FGF14: variants seen among roughly 807,000 people sequenced by gnomAD.
FGF14 encodes the protein fibroblast growth factor homologous factor 4.
FGF14 carries 5 observed loss-of-function variants against 25.5 expected under a neutral mutation model. The observed-to-expected ratio is 0.20, with a 90% CI of 0.10 to 0.41. The LOEUF is 0.41. FGF14 is among the 10% of genes least tolerant of loss of function. FGF14 has a pLI of 1.00. For missense variants in FGF14, 222 were observed against 320.1 expected (o/e 0.69, Z 2.34); for synonymous variants, 138 against 118.3 (o/e 1.17, Z -1.08).
intron 1 of FGF14, among the ~76,000 whole-genome samples, chr13:102,247,907 C>A (rs1177181448): frequency 6.6e-6 from 1 of 152,090 alleles, no homozygotes; most frequent in Non-Finnish European, 1.5e-5. Flanking sequence ...TACTACACAG[C>A]CATAAAATAA....
intron 1 of FGF14, among the ~76,000 whole-genome samples, chr13:102,291,001 T>C (rs1173052574): frequency 6.6e-6 from 1 of 152,140 alleles, no homozygotes; most frequent in Non-Finnish European, 1.5e-5. Context: ...ACAAATTCTA[T>C]AACCAATAAT....
intron 3 of FGF14, among the ~76,000 whole-genome samples, chr13:101,790,605 G>T (rs2040181426): frequency 6.6e-6 from 1 of 152,024 alleles, no homozygotes; most frequent in Non-Finnish European, 1.5e-5. Context: ...ACACCACCTA[G>T]ACGTTAAACA....
At position 102,194,992 on chromosome 13, in the gene FGF14, T is replaced by G. The variant is rs146092221; in HGVS notation, c.208+206479A>C. On this transcript the variant is annotated intron_variant, in intron 1 of 4. Coordinates refer to the FGF14 transcript ENST00000376131. ...GTACTGAAAGAAAAATACTGTCAAA[T>G]AAGAATTCTATAATTTTCAGAACTA... 1.3e-4 allele frequency among the ~76,000 whole-genome samples: 19 copies of G among 151,940 alleles called. No homozygotes were observed. The East Asian group carries it at 3.3e-3, about 26-fold the overall frequency.
At chr13:101,894,624 T>C (rs1437674455) in intron 1 of FGF14, among the ~76,000 whole-genome samples, 1 of 152,230 alleles carries the variant, frequency 6.6e-6, no homozygotes, top group Non-Finnish European at 1.5e-5. Flanking sequence ...GCTTAACATA[T>C]ACCCACTGAC....
intron 3 of FGF14, among the ~76,000 whole-genome samples, chr13:101,865,793 C>G (rs2044669470): frequency 6.6e-6 from 1 of 152,096 alleles, no homozygotes; most frequent in Non-Finnish European, 1.5e-5. Flanking sequence ...ATTTTATTGA[C>G]TACTTCTAAA....
chr13:102,068,416 C>A (rs1485793360), intron 1 of FGF14, among the ~76,000 whole-genome samples: 1 of 152,214 alleles, frequency 6.6e-6, no homozygotes, highest in African/African-American at 2.4e-5. Flanking sequence ...TGTGGGAGCC[C>A]CTTTCTGGGC....
chr13:102,005,588 T>C (rs9557779), intron 1 of FGF14, among the ~76,000 whole-genome samples: 43,820 of 152,058 alleles, frequency 0.29, 7,151 homozygotes, highest in East Asian at 0.7. Flanking sequence ...CAAAGATGAC[T>C]GCTGAGAGTT....
intron 3 of FGF14, among the ~76,000 whole-genome samples, chr13:101,845,333 G>A (rs979803995): frequency 2.0e-5 from 3 of 151,950 alleles, no homozygotes; most frequent in African/African-American, 7.2e-5. Context: ...ACAAAAAACA[G>A]TTCTGATCTG....
chr13:101,805,204 A>G (rs192702716), intron 3 of FGF14, among the ~76,000 whole-genome samples: 21 of 152,272 alleles, frequency 1.4e-4, no homozygotes, highest in African/African-American at 4.8e-4. Flanking sequence ...ACTCAGCTAC[A>G]GTAAGTAAAA....
chr13:101,773,531 G>A (rs1168637241), intron 3 of FGF14, among the ~76,000 whole-genome samples: 1 of 151,874 alleles, frequency 6.6e-6, no homozygotes, highest in Non-Finnish European at 1.5e-5. Context: ...AAAGAAGGTT[G>A]GCAACTTAGA....
chr13:101,758,885 G>A (rs1594146921), intron 3 of FGF14, among the ~76,000 whole-genome samples: 2 of 152,144 alleles, frequency 1.3e-5, no homozygotes, highest in East Asian at 3.9e-4. Flanking sequence ...TGATGTAGGT[G>A]TTGTTTCCAA....
chr13:102,300,612 G>A (rs145332722), intron 1 of FGF14, among the ~76,000 whole-genome samples: 159 of 151,988 alleles, frequency 1.0e-3, no homozygotes, highest in African/African-American at 3.7e-3. Context: ...ATCTCCGTAC[G>A]GACTATAATT....
intron 1 of FGF14, among the ~76,000 whole-genome samples, chr13:101,904,142 T>A (rs2031934382): frequency 6.6e-6 from 1 of 152,170 alleles, no homozygotes; most frequent in Non-Finnish European, 1.5e-5. Flanking sequence ...TGCATAGAGG[T>A]CTCTGCGTGT....
intron 1 of FGF14, among the ~76,000 whole-genome samples, chr13:102,291,844 G>C (rs1314507688): frequency 6.6e-6 from 1 of 152,130 alleles, no homozygotes; most frequent in Non-Finnish European, 1.5e-5. Flanking sequence ...CCTCAAAAGG[G>C]AGGTGGTATC....
intron 3 of FGF14, among the ~76,000 whole-genome samples, chr13:101,768,111 C>G (rs926091526): frequency 6.6e-6 from 1 of 151,912 alleles, no homozygotes; most frequent in Non-Finnish European, 1.5e-5. Flanking sequence ...AAATCTCTAA[C>G]TGTACATAAG....
chr13:102,287,448 T>C (rs917980434), intron 1 of FGF14, among the ~76,000 whole-genome samples: 1 of 152,218 alleles, frequency 6.6e-6, no homozygotes, highest in Admixed American at 6.5e-5. Context: ...ATTTAGGGGA[T>C]AATTCTTTCT....
At chr13:102,099,996 T>A (rs1438829738) in intron 1 of FGF14, among the ~76,000 whole-genome samples, 1 of 152,124 alleles carries the variant, frequency 6.6e-6, no homozygotes, top group African/African-American at 2.4e-5. Context: ...AAATTGAGGC[T>A]TAGACAACTA....
chr13:102,398,292 T>C (rs981220708), intron 1 of FGF14, among the ~76,000 whole-genome samples: 2 of 152,174 alleles, frequency 1.3e-5, no homozygotes, highest in Admixed American at 1.3e-4. Context: ...AATAACTTTG[T>C]CCTTAAATTC....
chr13:101,843,780 T>C (rs995454640), intron 3 of FGF14, among the ~76,000 whole-genome samples: 3 of 151,930 alleles, frequency 2.0e-5, no homozygotes, highest in South Asian at 2.1e-4. Context: ...AATCCATGAA[T>C]TGTGGCTTGG....
Sources: allele counts gnomAD v4.1 joint callset (sites outside exome capture counted in the v4.1 genomes callset), GRCh38; gene constraint gnomAD v4.1.1; transcripts MANE v1.5; gene names NCBI Gene and HGNC (gene_info 2026-07-23, HGNC 2026-07-21).